WWP1: variants seen among roughly 807,000 people sequenced by gnomAD.
WWP1 encodes the protein WW domain containing E3 ubiquitin protein ligase 1.
WWP1 carries 49 observed loss-of-function variants against 130.6 expected under a neutral mutation model. The ratio of observed to expected loss-of-function variants is 0.38; its 90% confidence interval spans 0.30 to 0.48. The LOEUF is 0.48. WWP1 is among the 20% of genes least tolerant of loss of function. The probability of loss-of-function intolerance (pLI) is 0.99; values close to 1 mark genes in which losing one functional copy is unlikely to be tolerated. For synonymous variants in WWP1, 332 were observed against 367.8 expected (o/e 0.90, Z 1.11); for missense variants, 809 against 1,100.6 (o/e 0.74, Z 3.75).
At chr8:86,425,055 T>C (rs1038027086) in intron 9 of WWP1, among the ~76,000 whole-genome samples, 168 bp from the exon 10 acceptor site, 5 of 152,056 alleles carry the variant, frequency 3.3e-5, no homozygotes. Flanking sequence ...ATTGAGAAAA[T>C]GAACACTTCT....
chr8:86,358,514 C>T (rs1178485394), intron 1 of WWP1, among the ~76,000 whole-genome samples: 1 of 148,854 alleles, frequency 6.7e-6, no homozygotes, highest in Admixed American at 6.7e-5. Context: ...CAAGGTCTAG[C>T]TCTGTCTCCC....
intron 9 of WWP1, among the ~76,000 whole-genome samples, chr8:86,420,738 A>G (rs1010415207): frequency 2.6e-5 from 4 of 152,180 alleles, no homozygotes; most frequent in African/African-American, 9.6e-5. Flanking sequence ...AATAAGTCTC[A>G]CAGACTGTAT....
Position 86,421,546 on chromosome 8 carries a change from C to T in WWP1, c.1062-3677C>T, listed in dbSNP as rs185201421. On this transcript the variant is annotated intron_variant, in intron 9 of 24. Coordinates refer to ENST00000517970, the MANE Select transcript of WWP1 (RefSeq NM_007013.4). ...ATTGATTTAATATTTGAAAATAGGCCGGGCATGGTGGCTCACGCCTGTAAT... is the reference window on the plus strand; with the variant it reads ...ATTGATTTAATATTTGAAAATAGGCTGGGCATGGTGGCTCACGCCTGTAAT... Among the ~76,000 whole-genome samples the T allele has an allele frequency of 1.3e-3, 203 of 152,068 alleles. 2 individuals carry two copies. Among genetic ancestry groups the T allele is most frequent in the African/African-American group, 4.7e-3 (193 of 41,458 alleles).
chr8:86,369,732 A>T (rs1451089521), intron 2 of WWP1, among the ~76,000 whole-genome samples: 9 of 152,142 alleles, frequency 5.9e-5, no homozygotes, highest in Non-Finnish European at 1.5e-5. Flanking sequence ...CCTATCCTTA[A>T]ATCCCTCATT....
chr8:86,425,516 G>T (rs555636689), intron 10 of WWP1, among the ~76,000 whole-genome samples, 198 bp downstream of exon 10: 3 of 152,128 alleles, frequency 2.0e-5, no homozygotes, highest in Admixed American at 1.3e-4. Context: ...TCAAGCATTG[G>T]CATGAGTTAC....
rs1043944971 is a variant in WWP1, at chr8:86,424,016, C to T, written c.1062-1207C>T. 1.9e-4 allele frequency among the ~76,000 whole-genome samples: 27 copies of T among 143,562 alleles called. No homozygotes were observed. The East Asian group carries it at 5.4e-3, about 29-fold the overall frequency. The allele number at this position is 143,562 out of a possible 152,430, so 94.2% of individuals were successfully genotyped here. Reference sequence around the variant, plus strand: ...CCCACCTCCCTCCCGGACGGGGCAGCTGCCGGGCGGAGACGCTCCTCACTT... The same window carrying T: ...CCCACCTCCCTCCCGGACGGGGCAGTTGCCGGGCGGAGACGCTCCTCACTT... On this transcript the variant is annotated intron_variant, in intron 9 of 24. Coordinates refer to ENST00000517970, the MANE Select transcript of WWP1 (RefSeq NM_007013.4).
intron 2 of WWP1, among the ~76,000 whole-genome samples, chr8:86,370,673 TTTC>T (rs1453286298): frequency 1.3e-5 from 2 of 152,254 alleles, no homozygotes; most frequent in East Asian, 3.9e-4. Context: ...AAATAATTCA[TTTC>T]TTCTTTGTCA....
intron 18 of WWP1, among the ~76,000 whole-genome samples, chr8:86,443,966 G>C (rs557435928): frequency 2.0e-5 from 3 of 152,282 alleles, no homozygotes; most frequent in African/African-American, 7.2e-5. Flanking sequence ...GTTGAGTAGG[G>C]CAATGAGTGA....
At chr8:86,348,407 G>A (rs199989601) in intron 1 of WWP1, among the ~76,000 whole-genome samples, 1 of 152,000 alleles carries the variant, frequency 6.6e-6, no homozygotes, top group Non-Finnish European at 1.5e-5. Flanking sequence ...TAGTAGAGAC[G>A]GGGTTTCTCC....
At chr8:86,394,625 C>T (rs968360753) in intron 5 of WWP1, among the ~76,000 whole-genome samples, 1 of 152,134 alleles carries the variant, frequency 6.6e-6, no homozygotes, top group Non-Finnish European at 1.5e-5. Flanking sequence ...ATCTACAGTG[C>T]CTGGCACACC....
chr8:86,442,133 A>C (rs1249678146), intron 17 of WWP1: 1 of 152,570 alleles, frequency 6.6e-6, no homozygotes, highest in Non-Finnish European at 1.5e-5. Context: ...TACATCCTAG[A>C]GTGCTTGTAA....
chr8:86,411,425 G>C (rs1352443299), intron 8 of WWP1, 113 bp from the exon 9 acceptor site: 1 of 789,304 alleles, frequency 1.3e-6, no homozygotes, highest in Non-Finnish European at 2.0e-6. Context: ...TTTGGAGAAT[G>C]GATTGTAGTT....
chr8:86,465,925 ACT>A (rs1812077732), intron 24 of WWP1, among the ~76,000 whole-genome samples: 1 of 152,070 alleles, frequency 6.6e-6, no homozygotes, highest in Non-Finnish European at 1.5e-5. Context: ...CTCTTTCCTG[ACT>A]CTGACATGGG....
rs191774206 is a variant in WWP1, at chr8:86,419,754, A to C, written c.1062-5469A>C. Among the ~76,000 whole-genome samples the C allele has an allele frequency of 3.5e-3, 470 of 133,068 alleles. 2 individuals are homozygous for C. The highest frequency in any genetic ancestry group is 0.011 in the African/African-American group (448 of 40,906). 87.3% of individuals were successfully genotyped at this position (133,068 alleles called of 152,430 possible). Reference sequence around the variant, plus strand: ...GACTCACTAAAAATCCAGGATGATAAATGAAAACAGATCTATTTTAAGACA... The same window carrying C: ...GACTCACTAAAAATCCAGGATGATACATGAAAACAGATCTATTTTAAGACA... On this transcript the variant is annotated intron_variant, in intron 9 of 24. Coordinates refer to ENST00000517970, the MANE Select transcript of WWP1 (RefSeq NM_007013.4).
chr8:86,404,558 A>T (rs1018851060), intron 8 of WWP1, among the ~76,000 whole-genome samples: 1 of 152,206 alleles, frequency 6.6e-6, no homozygotes, highest in Non-Finnish European at 1.5e-5. Flanking sequence ...AATAAAATGG[A>T]TGTGAGGAAC....
At chr8:86,408,766 C>G (rs773085476) in intron 8 of WWP1, among the ~76,000 whole-genome samples, 2 of 151,940 alleles carry the variant, frequency 1.3e-5, no homozygotes, top group African/African-American at 2.4e-5. Context: ...AAAATTTAGC[C>G]GGGTGTGGTG....
At position 86,431,149 on chromosome 8, in the gene WWP1, A is replaced by T. The variant is rs1190457249; in HGVS notation, c.1388-257A>T. Among the ~76,000 whole-genome samples, 148 of 109,330 alleles carry T rather than the reference A, an allele frequency of 1.4e-3. 1 individual carries two copies. Among genetic ancestry groups the T allele is most frequent in the African/African-American group, 4.2e-3 (140 of 33,434 alleles). 71.7% of individuals were successfully genotyped at this position (109,330 alleles called of 152,430 possible). A position where few individuals can be genotyped will look rare whatever the true frequency, so the allele number is the denominator to read the frequency against. On this transcript the variant is annotated intron_variant, in intron 12 of 24. Coordinates refer to ENST00000517970, the MANE Select transcript of WWP1 (RefSeq NM_007013.4). ...TAGATTATATATTAAAGAATTATAT[A>T]TTATAGAATATATATTATATTCTAC... is the stretch of plus-strand genomic sequence containing the variant.
intron 8 of WWP1, 36 bp from the exon 9 acceptor site, chr8:86,411,502 A>G: frequency 1.3e-6 from 2 of 1,560,622 alleles, no homozygotes; most frequent in Non-Finnish European, 1.8e-6. Context: ...CTTTATCATT[A>G]CTTGATAGAT....
chr8:86,402,036 C>T lies in WWP1; in HGVS notation c.557C>T (p.Thr186Met), dbSNP rs766015937. The T allele has an allele frequency of 1.8e-5, 29 of 1,571,484 alleles. No homozygotes were observed. Among genetic ancestry groups the T allele is most frequent in the African/African-American group, 4.1e-5 (3 of 72,742 alleles). ...RTTARLAVEG[T>M]NGIDNHVPTS... The stretch of plus-strand genomic sequence containing the variant: ...TTTTCAAGGTTGGCTGTTGAAGGCA[C>T]GAATGGAATAGATAATCATGTACCT... Residue 186 changes from threonine (T) to methionine (M), a missense_variant, in exon 8 of 25, where the codon ACG becomes ATG. By Grantham distance (81) the Thr-to-Met change is moderately conservative (BLOSUM62 -1). This residue lies in a region of WWP1 where 262 missense variants were observed against 346.0 expected (regional missense o/e 0.76). Transcript: ENST00000517970.
Sources: allele counts gnomAD v4.1 joint callset (sites outside exome capture counted in the v4.1 genomes callset), GRCh38; gene constraint gnomAD v4.1.1; regional missense constraint gnomAD v4.1.1; transcripts MANE v1.5; gene names NCBI Gene and HGNC (gene_info 2026-07-23, HGNC 2026-07-21).